RBPJ: variants seen among roughly 807,000 people sequenced by gnomAD.
RBPJ encodes recombination signal binding protein for immunoglobulin kappa J region.
RBPJ carries 9 observed loss-of-function variants against 67.8 expected under a neutral mutation model. The ratio of observed to expected loss-of-function variants is 0.13; its 90% confidence interval spans 0.08 to 0.23. RBPJ has a LOEUF of 0.23. Ranked by LOEUF, RBPJ falls within the 10% of genes least tolerant of loss-of-function variation. The pLI is 1.00. For missense variants in RBPJ, 305 were observed against 595.6 expected (o/e 0.51, Z 5.08); for synonymous variants, 198 against 203.3 (o/e 0.97, Z 0.22).
In RBPJ at chr4:26,285,588, G is replaced by A. The variant is rs114955136; in HGVS notation, c.-166-76858G>A. On this transcript the variant is annotated intron_variant, in intron 1 of 4. Transcript: ENST00000512351. The stretch of plus-strand genomic sequence containing the variant: ...GTGAGAGAAGGGAGACAAAACATTG[G>A]TATCAATAGTGACTGCCATCAACTC... Among the ~76,000 whole-genome samples, 824 of 147,586 alleles carry A rather than the reference G, an allele frequency of 5.6e-3. 10 individuals carry two copies. Among genetic ancestry groups the A allele is most frequent in the African/African-American group, 0.019 (773 of 39,664 alleles).
the RBPJ span, among the ~76,000 whole-genome samples, chr4:26,109,729 C>CTA: frequency 2.7e-3 from 177 of 66,054 alleles, 23 homozygotes; most frequent in Middle Eastern, 7.9e-3. Context: ...CTCTCTCTCT[C>CTA]TATATATATA....
intron 1 of RBPJ, chr4:26,343,267 T>G (rs1725738313): frequency 6.6e-6 from 1 of 152,350 alleles, no homozygotes; most frequent in Non-Finnish European, 1.5e-5. Context: ...GGAATATTTT[T>G]GCTTGACTGT....
At chr4:26,174,301 T>G (rs1716717920) in intron 1 of RBPJ, among the ~76,000 whole-genome samples, 1 of 152,158 alleles carries the variant, frequency 6.6e-6, no homozygotes, top group Non-Finnish European at 1.5e-5. Context: ...TTCTAGAGCT[T>G]CGGGGAGGAC....
chr4:26,267,851 G>A (rs535283380), intron 1 of RBPJ, among the ~76,000 whole-genome samples: 10 of 151,982 alleles, frequency 6.6e-5, no homozygotes, highest in South Asian at 2.1e-4. Flanking sequence ...CAGGTGATCC[G>A]CCCACCTCAG....
At chr4:26,109,481 T>TACACAC in the RBPJ span, among the ~76,000 whole-genome samples, 4 of 52,622 alleles carry the variant, frequency 7.6e-5, no homozygotes, top group African/African-American at 3.9e-4. Context: ...TATATATATA[T>TACACAC]ATATATATAT....
intron 1 of RBPJ, among the ~76,000 whole-genome samples, chr4:26,250,639 C>A (rs768657988): frequency 3.3e-5 from 5 of 152,000 alleles, no homozygotes; most frequent in Admixed American, 6.6e-5. Context: ...GCATTCCATT[C>A]CTTTTTAAAT....
chr4:26,189,987 T>C (rs1717419957), intron 1 of RBPJ, among the ~76,000 whole-genome samples: 1 of 152,166 alleles, frequency 6.6e-6, no homozygotes, highest in African/African-American at 2.4e-5. Flanking sequence ...ATGCTGCCAT[T>C]CATAATAAAA....
At chr4:26,127,525 G>C in the RBPJ span, among the ~76,000 whole-genome samples, 1 of 152,212 alleles carries the variant, frequency 6.6e-6, no homozygotes. Flanking sequence ...GGCATGTCTT[G>C]CCCATATACC....
At chr4:26,384,717 A>G (rs1282155220) in intron 1 of RBPJ, 1 of 152,062 alleles carries the variant, frequency 6.6e-6, no homozygotes, top group Non-Finnish European at 1.5e-5. Flanking sequence ...GCTAAAAACG[A>G]TAATAATTAC....
In RBPJ at chr4:26,433,719, T is replaced by C. The variant is rs1397161732; in HGVS notation, c.*2712T>C. 1 of 152,180 alleles carries C rather than the reference T, an allele frequency of 6.6e-6. No homozygotes were observed. Among genetic ancestry groups the C allele is most frequent in the Non-Finnish European group, 1.5e-5 (1 of 68,014 alleles). The allele number at this position is 152,180 out of a possible 1,614,324, so 9.4% of individuals were successfully genotyped here. ...ATGATTTGTCCATTGTAGCTTATTGTTTATCAGTAGTTCTTTTGTCAGCTG... is the reference window on the plus strand; with the variant it reads ...ATGATTTGTCCATTGTAGCTTATTGCTTATCAGTAGTTCTTTTGTCAGCTG... On this transcript the variant is annotated 3_prime_UTR_variant, in exon 11 of 11. Coordinates refer to ENST00000355476, the MANE Select transcript of RBPJ (RefSeq NM_015874.6).
At chr4:26,321,517 C>G (rs1266433380) in intron 1 of RBPJ, 1 of 152,434 alleles carries the variant, frequency 6.6e-6, no homozygotes, top group African/African-American at 2.4e-5. Context: ...TTGTCCGACC[C>G]GTGGCGTCCC....
intron 1 of RBPJ, among the ~76,000 whole-genome samples, chr4:26,381,267 T>C (rs76991133): frequency 1.8e-4 from 28 of 152,096 alleles, no homozygotes; most frequent in African/African-American, 6.5e-4. Context: ...AATTATGTGG[T>C]TTGGGAGAAA....
rs1360261484 is a variant in RBPJ, at chr4:26,215,323, AAG to A, written c.-167+51711_-167+51712del. ...AAGAGAGAGAAAAGAGAAAGAAAGA[AAG>A]AAAAAGAGAGAGAGAAAGAAAGAAA... On this transcript the variant is annotated intron_variant, in intron 1 of 4. Transcript: ENST00000512351. Among the ~76,000 whole-genome samples, 160 of 83,544 alleles carry A rather than the reference AAG, an allele frequency of 1.9e-3. 4 individuals carry two copies. The highest frequency in any genetic ancestry group is 8.1e-3 in the African/African-American group (154 of 18,926). The allele number at this position is 83,544 out of a possible 152,430, so 54.8% of individuals were successfully genotyped here.
chr4:26,305,274 C>T (rs1027355544), intron 1 of RBPJ, among the ~76,000 whole-genome samples: 1 of 152,152 alleles, frequency 6.6e-6, no homozygotes, highest in African/African-American at 2.4e-5. Context: ...AATATCAGTC[C>T]TCCAACTCTG....
intron 1 of RBPJ, among the ~76,000 whole-genome samples, chr4:26,349,286 G>A (rs1726549681): frequency 6.6e-6 from 1 of 152,034 alleles, no homozygotes; most frequent in African/African-American, 2.4e-5. Context: ...TGCCCAGGCT[G>A]GCCTCAAACT....
Position 26,321,127 on chromosome 4 carries a change from G to C in RBPJ, c.20+79G>C, listed in dbSNP as rs575979047. The C allele has an allele frequency of 6.6e-6, 8 of 1,208,194 alleles. No homozygotes were observed. The African/African-American group carries it at 1.1e-4, about 16-fold the overall frequency. The allele number at this position is 1,208,194 out of a possible 1,614,324, so 74.8% of individuals were successfully genotyped here. A position where few individuals can be genotyped will look rare whatever the true frequency, so the allele number is the denominator to read the frequency against. The stretch of plus-strand genomic sequence containing the variant: ...CAGCTCACGGCGGGCAGCGGGTTCG[G>C]GGGCCGCGGCGCGCTTGGCGTTCGG... On this transcript the variant is annotated intron_variant, in intron 1 of 10. Coordinates refer to ENST00000355476, the MANE Select transcript of RBPJ (RefSeq NM_015874.6).
chr4:26,319,156 G>C (rs532834730), upstream of RBPJ, among the ~76,000 whole-genome samples: 23 of 152,116 alleles, frequency 1.5e-4, no homozygotes, highest in Middle Eastern at 3.4e-3. Context: ...CCCGGAGGCG[G>C]GGGGCGCGGT....
the RBPJ span, chr4:26,112,581 A>T: frequency 4.7e-5 from 6 of 127,744 alleles, no homozygotes; most frequent in East Asian, 1.4e-3. Flanking sequence ...AATAAGAGTT[A>T]ATCTTGGATA....
At chr4:26,315,167 A>AATATATATATATATATATATATAT (rs67496694), upstream of RBPJ, among the ~76,000 whole-genome samples, 2 of 74,764 alleles carry the variant, frequency 2.7e-5, no homozygotes, top group African/African-American at 6.7e-5. Context: ...AAAAAAAAAA[A>AATATATATATATATATATATATAT]ATATATATAT....
Sources: allele counts gnomAD v4.1 joint callset (sites outside exome capture counted in the v4.1 genomes callset), GRCh38; gene constraint gnomAD v4.1.1; transcripts MANE v1.5; gene names NCBI Gene and HGNC (gene_info 2026-07-23, HGNC 2026-07-21).